Variants in FGD6 observed in about 807,000 individuals in gnomAD.
FGD6 encodes the protein FYVE, RhoGEF and PH domain containing 6.
A neutral mutation model predicts 149.4 loss-of-function variants in FGD6; 90 were observed. That is an observed-to-expected ratio of 0.60 (90% CI 0.51 to 0.72). FGD6 has a LOEUF of 0.72. FGD6 is among the 30% of genes least tolerant of loss of function. The probability of loss-of-function intolerance (pLI) is 0.00; values close to 1 mark genes in which losing one functional copy is unlikely to be tolerated. For missense variants in FGD6, 1,437 were observed against 1,684.8 expected, an observed-to-expected ratio of 0.85 and a Z score of 2.57; for synonymous variants, 527 against 584.0, an observed-to-expected ratio of 0.90 and a Z score of 1.41.
chr12:95,209,814 A>G lies in FGD6; in HGVS notation c.1470T>C (p.Asn490=), dbSNP rs777735475. 3.2e-5 allele frequency: 52 copies of G among 1,609,738 alleles called. No homozygotes were observed. Among genetic ancestry groups the G allele is most frequent in the Non-Finnish European group, 4.4e-5 (52 of 1,179,082 alleles). ...GTTTTTTGGGGACAATTCGTAGAGA[A>G]TTTTCCTCTTTTATAACAGATTCCT... is the stretch of plus-strand genomic sequence containing the variant. ...MQKESVIKEE[N]SLRIVPKKPQ... The change falls in exon 2 of 21, where the codon AAT becomes AAC. Residue 490 remains asparagine, a synonymous_variant. Coordinates refer to ENST00000343958, the MANE Select transcript of FGD6 (RefSeq NM_018351.4).
At chr12:95,137,070 G>A (rs898140241) in intron 7 of FGD6, among the ~76,000 whole-genome samples, 14 of 152,154 alleles carry the variant, frequency 9.2e-5, no homozygotes, top group African/African-American at 3.4e-4. Flanking sequence ...CTGAGGTCAG[G>A]AATTCGAGAC....
intron 8 of FGD6, among the ~76,000 whole-genome samples, chr12:95,124,510 T>G (rs959901078): frequency 7.2e-5 from 11 of 152,232 alleles, no homozygotes; most frequent in African/African-American, 2.7e-4. Flanking sequence ...AGCCCATGAT[T>G]CTGACTAAAA....
intron 9 of FGD6, among the ~76,000 whole-genome samples, chr12:95,111,173 G>A (rs1878810842): frequency 6.6e-6 from 1 of 152,072 alleles, no homozygotes; most frequent in African/African-American, 2.4e-5. Context: ...GTAGCAAAGG[G>A]TTTTGCCATG....
Position 95,113,645 on chromosome 12 carries a change from A to T in FGD6, c.3133+6T>A. On this transcript the variant is annotated splice_donor_region_variant and intron_variant, in intron 9 of 20. Transcript: ENST00000343958. The stretch of plus-strand genomic sequence containing the variant: ...AAAAACTTCTGCAACCACAGAAGTT[A>T]TTTACCTTGAGTGTCTCTGTAATCT... 1 of 1,588,088 alleles carries T rather than the reference A, an allele frequency of 6.3e-7. No individual in the cohort carries two copies. Among genetic ancestry groups the T allele is most frequent in the South Asian group, 1.1e-5 (1 of 87,366 alleles).
intron 3 of FGD6, among the ~76,000 whole-genome samples, chr12:95,157,758 T>C (rs1880514406): frequency 6.6e-6 from 1 of 152,162 alleles, no homozygotes; most frequent in African/African-American, 2.4e-5. Context: ...GACAATTAGA[T>C]AGACAGATGA....
intron 5 of FGD6, among the ~76,000 whole-genome samples, chr12:95,147,889 T>G (rs1372406239): frequency 6.6e-6 from 1 of 152,136 alleles, no homozygotes; most frequent in African/African-American, 2.4e-5. Context: ...AATGATTAGA[T>G]GAACATCATT....
rs201861548 is a variant in FGD6, at chr12:95,197,574, A to AT, written c.2441+11268dup. On this transcript the variant is annotated intron_variant, in intron 2 of 20. Transcript: ENST00000343958. ...ATACCCCTACCATTCATTTAAATCT[A>AT]TTTTTTCCCTAAGTTAATAAGGGTA... Among the ~76,000 whole-genome samples, 890 of 152,266 alleles carry AT rather than the reference A, an allele frequency of 5.8e-3. 5 individuals are homozygous for AT. Among genetic ancestry groups the AT allele is most frequent in the Non-Finnish European group, 9.7e-3 (663 of 68,010 alleles).
chr12:95,082,987 A>T (rs1225035364), intron 20 of FGD6, among the ~76,000 whole-genome samples: 1 of 42,260 alleles, frequency 2.4e-5, no homozygotes, highest in Non-Finnish European at 4.2e-5. Context: ...TCTCCATTAA[A>T]AAAAAAAAAA....
chr12:95,100,955 G>A (rs62621234), intron 14 of FGD6: 13,021 of 370,388 alleles, frequency 0.035, 307 homozygotes, highest in African/African-American at 0.061. Context: ...ACCACTGGCA[G>A]GAACTTGGAT....
At chr12:95,136,161 C>G (rs910064561) in intron 7 of FGD6, among the ~76,000 whole-genome samples, 2 of 152,064 alleles carry the variant, frequency 1.3e-5, no homozygotes, top group Non-Finnish European at 2.9e-5. Flanking sequence ...AGTTCGAGAC[C>G]AGCCTGGCCA....
intron 7 of FGD6, among the ~76,000 whole-genome samples, chr12:95,135,700 T>A (rs1054709377): frequency 6.6e-6 from 1 of 152,222 alleles, no homozygotes; most frequent in African/African-American, 2.4e-5. Context: ...TTTGTTAGAT[T>A]TGCTCAGACT....
chr12:95,112,188 CATG>C (rs1878847802), intron 9 of FGD6, among the ~76,000 whole-genome samples: 1 of 151,790 alleles, frequency 6.6e-6, no homozygotes, highest in Non-Finnish European at 1.5e-5. Flanking sequence ...GAGCCGTGTT[CATG>C]CCACTGCACT....
intron 2 of FGD6, among the ~76,000 whole-genome samples, chr12:95,190,060 T>C (rs1009010709): frequency 6.0e-5 from 9 of 150,094 alleles, no homozygotes; most frequent in African/African-American, 2.2e-4. Flanking sequence ...AGATGTACTA[T>C]ATTAAATAGT....
intron 8 of FGD6, among the ~76,000 whole-genome samples, chr12:95,132,942 A>C (rs1035611433): frequency 5.3e-5 from 8 of 152,190 alleles, no homozygotes; most frequent in African/African-American, 1.9e-4. Flanking sequence ...GGTTTATGAG[A>C]AGCACTGAGT....
At chr12:95,198,641 GT>G (rs1392537686) in intron 2 of FGD6, among the ~76,000 whole-genome samples, 3 of 152,074 alleles carry the variant, frequency 2.0e-5, no homozygotes, top group Non-Finnish European at 4.4e-5. Context: ...GGGTTTCACC[GT>G]GTTAGCCAGG....
chr12:95,112,092 G>T (rs1396181043), intron 9 of FGD6, among the ~76,000 whole-genome samples: 2 of 151,774 alleles, frequency 1.3e-5, no homozygotes, highest in Non-Finnish European at 2.9e-5. Flanking sequence ...AAATTAGCAG[G>T]GTGTGATGGT....
At position 95,173,986 on chromosome 12, in the gene FGD6, TGGC is replaced by T. The variant is rs1881062643; in HGVS notation, c.2442-1245_2442-1243del. ...GAGCCCAACTGTTACACAAACCAGC[TGGC>T]TGGAGGCACAGTGCCAAAAGGAACA... is the stretch of plus-strand genomic sequence containing the variant. On this transcript the variant is annotated intron_variant, in intron 2 of 20. Coordinates refer to ENST00000343958, the MANE Select transcript of FGD6 (RefSeq NM_018351.4). Among the ~76,000 whole-genome samples the T allele has an allele frequency of 4.6e-5, 7 of 152,216 alleles. No homozygotes were observed. The East Asian group carries it at 1.2e-3, about 25-fold the overall frequency.
intron 2 of FGD6, among the ~76,000 whole-genome samples, chr12:95,199,673 T>C (rs1166904645): frequency 6.6e-6 from 1 of 150,946 alleles, no homozygotes; most frequent in East Asian, 1.9e-4. Context: ...GGCTCAATCT[T>C]AGCTCACTGC....
At chr12:95,120,105 T>C (rs1375372334) in intron 8 of FGD6, among the ~76,000 whole-genome samples, 2 of 151,684 alleles carry the variant, frequency 1.3e-5, no homozygotes, top group African/African-American at 2.4e-5. Flanking sequence ...GGAATGCTCC[T>C]GTAGTCCCAG....
Sources: gnomAD v4.1 joint callset for allele counts (sites outside exome capture counted in the v4.1 genomes callset) on GRCh38, gnomAD v4.1.1 for gene constraint, MANE v1.5 for transcripts, NCBI Gene and HGNC (gene_info 2026-07-23, HGNC 2026-07-21) for gene names.